The following GLDC variants were observed in gnomAD, a reference collection of about 807,000 sequenced individuals.
The protein encoded by GLDC is glycine dehydrogenase (decarboxylating), mitochondrial.
Under a neutral mutation model 121.3 loss-of-function variants are expected in GLDC, and 104 were observed. The ratio of observed to expected loss-of-function variants is 0.86; its 90% CI spans 0.73 to 1.01. GLDC has a LOEUF of 1.01. Among genes scored for constraint, GLDC ranks in the 50% least tolerant of loss-of-function variants. The pLI is 0.00. For synonymous variants in GLDC, 546 were observed against 480.6 expected (o/e 1.14, Z -1.78); for missense variants, 1,429 against 1,306.6 (o/e 1.09, Z -1.44).
intron 2 of GLDC, among the ~76,000 whole-genome samples, chr9:6,636,976 C>G (rs184668466): frequency 9.7e-4 from 147 of 151,468 alleles, no homozygotes; most frequent in African/African-American, 3.4e-3. Flanking sequence ...CCCAGCTACT[C>G]GGGAGGCTGA....
intron 21 of GLDC, among the ~76,000 whole-genome samples, chr9:6,550,485 G>C (rs1230106569): frequency 6.6e-6 from 1 of 151,950 alleles, no homozygotes; most frequent in African/African-American, 2.4e-5. Context: ...AAATTAGCCG[G>C]GCATGGTGGT....
intron 21 of GLDC, 82 bp downstream of exon 21, chr9:6,550,721 A>G (rs1442136433): frequency 6.1e-6 from 5 of 825,778 alleles, no homozygotes; most frequent in Non-Finnish European, 8.7e-6. Flanking sequence ...TCTCTTGCCC[A>G]TGTCAGAAAA....
intron 15 of GLDC, among the ~76,000 whole-genome samples, chr9:6,578,529 A>G (rs574527616): frequency 2.8e-4 from 43 of 151,992 alleles, no homozygotes; most frequent in African/African-American, 9.9e-4. Flanking sequence ...TTAGTTGGAA[A>G]GTACTTCCTC....
chr9:6,630,807 C>T (rs1159358075), intron 2 of GLDC, among the ~76,000 whole-genome samples: 6 of 152,138 alleles, frequency 3.9e-5, no homozygotes, highest in African/African-American at 1.2e-4. Context: ...ATTCCATCTG[C>T]ATGCTGATCC....
chr9:6,621,371 T>C (rs138342919), intron 2 of GLDC, among the ~76,000 whole-genome samples: 4 of 152,330 alleles, frequency 2.6e-5, no homozygotes, highest in African/African-American at 9.6e-5. Context: ...CATATGCTTT[T>C]CGCACAGCCT....
chr9:6,615,716 T>A (rs1232972143), intron 3 of GLDC, among the ~76,000 whole-genome samples: 1 of 151,684 alleles, frequency 6.6e-6, no homozygotes, highest in Non-Finnish European at 1.5e-5. Context: ...GTTCAAGTGA[T>A]TCTCCTGCTT....
At chr9:6,645,018 T>A (rs142683047) in intron 1 of GLDC, among the ~76,000 whole-genome samples, 185 of 152,318 alleles carry the variant, frequency 1.2e-3, no homozygotes, top group Non-Finnish European at 1.9e-3. Flanking sequence ...TTTAAAAATG[T>A]ACACTTTTGA....
intron 5 of GLDC, chr9:6,606,288 C>T (rs921726379): frequency 2.2e-5 from 8 of 360,752 alleles, no homozygotes; most frequent in African/African-American, 1.2e-4. Flanking sequence ...CCAGCCTGGA[C>T]GACAGAGCGA....
At chr9:6,594,775 AAAAG>A (rs1818456740) in intron 9 of GLDC, among the ~76,000 whole-genome samples, 1 of 151,276 alleles carries the variant, frequency 6.6e-6, no homozygotes, top group Non-Finnish European at 1.5e-5. Flanking sequence ...AAGCAAGAAA[AAAAG>A]AAAGAAAGCA....
At chr9:6,611,680 C>T (rs1458100326) in intron 3 of GLDC, among the ~76,000 whole-genome samples, 2 of 152,122 alleles carry the variant, frequency 1.3e-5, no homozygotes, top group Admixed American at 1.3e-4. Flanking sequence ...TCCTTTTTAG[C>T]AGACACTGCT....
At chr9:6,555,600 C>G (rs1384355923) in intron 18 of GLDC, among the ~76,000 whole-genome samples, 1 of 151,976 alleles carries the variant, frequency 6.6e-6, no homozygotes, top group African/African-American at 2.4e-5. Context: ...GAAACCCCAT[C>G]TCTACTAAAA....
intron 15 of GLDC, among the ~76,000 whole-genome samples, chr9:6,585,863 T>C (rs1378556131): frequency 8.8e-6 from 1 of 114,124 alleles, no homozygotes; most frequent in Non-Finnish European, 1.9e-5. Flanking sequence ...TATGTATGTA[T>C]GTATGTATCT....
chr9:6,622,170 A>ACACT, intron 2 of GLDC, among the ~76,000 whole-genome samples: 1 of 151,324 alleles, frequency 6.6e-6, no homozygotes, highest in South Asian at 2.1e-4. Flanking sequence ...ACACACACAC[A>ACACT]CACACACACA....
intron 15 of GLDC, among the ~76,000 whole-genome samples, chr9:6,570,186 C>T (rs1173502748): frequency 2.0e-5 from 3 of 152,090 alleles, no homozygotes; most frequent in Non-Finnish European, 4.4e-5. Context: ...ACCAAAACTC[C>T]CACTGAATCA....
intron 2 of GLDC, chr9:6,639,022 A>T (rs1384151300): frequency 2.0e-6 from 1 of 509,794 alleles, no homozygotes; most frequent in African/African-American, 1.9e-5. Context: ...AAAAAAAAAA[A>T]AGTATATCCT....
chr9:6,535,977 T>G (rs2129649031), intron 23 of GLDC, 87 bp downstream of exon 23: 3 of 1,107,126 alleles, frequency 2.7e-6, no homozygotes, highest in Non-Finnish European at 4.2e-6. Flanking sequence ...CATCCTCAGT[T>G]GAGAGTTCGG....
At chr9:6,552,021 G>C (rs1817525314) in intron 20 of GLDC, among the ~76,000 whole-genome samples, 1 of 152,140 alleles carries the variant, frequency 6.6e-6, no homozygotes, top group Non-Finnish European at 1.5e-5. Context: ...AATCCCCTAA[G>C]GATTTCGTGC....
intron 2 of GLDC, among the ~76,000 whole-genome samples, chr9:6,631,441 A>G (rs1819375662): frequency 6.6e-6 from 1 of 152,192 alleles, no homozygotes; most frequent in South Asian, 2.1e-4. Flanking sequence ...ACAAGGGATG[A>G]TATGTCTTGT....
intron 17 of GLDC, chr9:6,558,224 G>A (rs1407119640): frequency 3.4e-5 from 19 of 552,758 alleles, no homozygotes; most frequent in Non-Finnish European, 4.8e-5. Flanking sequence ...TTCCTGACAC[G>A]AAGATGTGTA....
Sources: allele counts gnomAD v4.1 joint callset (sites outside exome capture counted in the v4.1 genomes callset), GRCh38; gene constraint gnomAD v4.1.1; transcripts MANE v1.5; gene names NCBI Gene and HGNC (gene_info 2026-07-23, HGNC 2026-07-21).